ADGRV1: variants seen among roughly 807,000 people sequenced by gnomAD.
ADGRV1 encodes the protein adhesion G protein-coupled receptor V1, also known as G-protein coupled receptor 98.
ADGRV1 carries 359 observed loss-of-function variants against 596.2 expected under a neutral mutation model. The ratio of observed to expected loss-of-function variants is 0.60; its 90% CI spans 0.55 to 0.66. The LOEUF is 0.66. Among genes scored for constraint, ADGRV1 ranks in the 30% least tolerant of loss-of-function variants. The pLI, the probability that ADGRV1 is intolerant of heterozygous loss-of-function variation, is 0.00. For synonymous variants in ADGRV1, 2,681 were observed against 2,679.2 expected, an observed-to-expected ratio of 1.00 and a Z score of -0.02; for missense variants, 7,274 against 7,575.6, an observed-to-expected ratio of 0.96 and a Z score of 1.48.
Position 90,778,972 on chromosome 5 carries a change from A to C in ADGRV1, c.12957A>C (p.Ala4319=), listed in dbSNP as rs770063817. 9 of 1,613,416 alleles carry C rather than the reference A, an allele frequency of 5.6e-6. No homozygotes were observed. In the African/African-American group the frequency reaches 1.1e-4, roughly 19 times the overall value. The change falls in exon 64 of 90, where the codon GCA becomes GCC. Residue 4319 remains alanine, a synonymous_variant. Transcript: ENST00000405460. The stretch of plus-strand genomic sequence containing the variant: ...CAGGCTTGGATTTTGTTCCTGCAGC[A>C]GGGGAGCTCCTCTTTGAAGCAGGGG... ...AEAGLDFVPA[A]GELLFEAGEM... is the part of the protein sequence containing the mutation.
chr5:90,745,281 T>C lies in ADGRV1; in HGVS notation c.10769+16T>C, dbSNP rs774202272. ...TTATTCCTAGGTAGGTTCAACATTT[T>C]TTGCTAAGTATCTTTATGTTCACTG... On this transcript the variant is annotated intron_variant, in intron 51 of 89. Coordinates refer to ENST00000405460, the MANE Select transcript of ADGRV1 (RefSeq NM_032119.4). 6.7e-7 allele frequency: 1 copy of C among 1,495,734 alleles called. No individual in the cohort carries two copies. 92.7% of individuals were successfully genotyped at this position (1,495,734 alleles called of 1,614,324 possible).
intron 83 of ADGRV1, among the ~76,000 whole-genome samples, chr5:90,958,299 A>G (rs546648752): frequency 3.3e-4 from 48 of 143,844 alleles, no homozygotes; most frequent in African/African-American, 7.0e-4. Context: ...AAAAAAAAAA[A>G]AAAAGAAAAG....
chr5:90,890,956 A>G (rs1041071088), intron 83 of ADGRV1, among the ~76,000 whole-genome samples: 5 of 151,994 alleles, frequency 3.3e-5, no homozygotes, highest in African/African-American at 4.8e-5. Flanking sequence ...CAATTAATAT[A>G]CTTTGTACAA....
In ADGRV1 at chr5:90,675,366, G is replaced by T. The variant is rs774387438; in HGVS notation, c.5234G>T (p.Arg1745Leu). Residue 1745 changes from arginine to leucine, a missense_variant, in exon 24 of 90, where the codon CGT becomes CTT. Arg to Leu is a moderately radical substitution (Grantham distance 102). Around this residue, in one of 5 missense-constraint regions of ADGRV1, gnomAD observed 3,643 missense variants for 3,809.2 expected, o/e 0.96. Transcript: ENST00000405460. ...EDGEIRLLVIRAQGLLGRVTA... is the reference protein window; with the variant it reads ...EDGEIRLLVILAQGLLGRVTA... ...GGAGAAATCAGGTTATTGGTCATCCGTGCACAGGGACTTCTGGGAAGGGTG... is the reference window on the plus strand; with the variant it reads ...GGAGAAATCAGGTTATTGGTCATCCTTGCACAGGGACTTCTGGGAAGGGTG... The T allele has an allele frequency of 6.2e-7, 1 of 1,613,832 alleles. No homozygotes were observed. Among genetic ancestry groups the T allele is most frequent in the South Asian group, 1.1e-5 (1 of 91,050 alleles).
chr5:91,070,730 T>C (rs1259733996), intron 85 of ADGRV1, among the ~76,000 whole-genome samples: 2 of 152,162 alleles, frequency 1.3e-5, no homozygotes, highest in African/African-American at 4.8e-5. Context: ...AAATAAATAA[T>C]CTAAGTTTGC....
At chr5:91,114,987 C>A (rs191792088) in intron 87 of ADGRV1, among the ~76,000 whole-genome samples, 1 of 152,266 alleles carries the variant, frequency 6.6e-6, no homozygotes, top group African/African-American at 2.4e-5. Context: ...TTCTAGGCAT[C>A]TCACTGTAAA....
chr5:90,986,621 TTC>T (rs951472664), intron 85 of ADGRV1, among the ~76,000 whole-genome samples: 3 of 152,192 alleles, frequency 2.0e-5, no homozygotes, highest in Admixed American at 2.0e-4. Flanking sequence ...ATTTTTGTAA[TTC>T]TGTCTTTTTA....
At chr5:90,726,368 A>G (rs1751782580) in intron 48 of ADGRV1, among the ~76,000 whole-genome samples, 1 of 152,142 alleles carries the variant, frequency 6.6e-6, no homozygotes. Context: ...AGCTTCACCC[A>G]GCTTAAAAAG....
chr5:91,033,291 T>A (rs1392178338), intron 85 of ADGRV1, among the ~76,000 whole-genome samples: 2 of 152,202 alleles, frequency 1.3e-5, no homozygotes, highest in Admixed American at 6.5e-5. Flanking sequence ...TGGCTTATAA[T>A]TTTTTTATTA....
intron 1 of ADGRV1, among the ~76,000 whole-genome samples, chr5:90,560,317 C>T (rs1165954617): frequency 2.6e-5 from 4 of 152,270 alleles, no homozygotes; most frequent in African/African-American, 9.6e-5. Flanking sequence ...TGAATCCTAT[C>T]TCCATTTTCT....
intron 2 of ADGRV1, among the ~76,000 whole-genome samples, chr5:90,616,543 A>G (rs1763388332): frequency 6.6e-6 from 1 of 152,154 alleles, no homozygotes; most frequent in East Asian, 1.9e-4. Context: ...AGTTTTTGGC[A>G]GGCCACATAC....
intron 85 of ADGRV1, among the ~76,000 whole-genome samples, chr5:91,003,915 A>G (rs753728621): frequency 3.3e-5 from 5 of 152,194 alleles, no homozygotes; most frequent in African/African-American, 4.8e-5. Context: ...CAATGTAAGA[A>G]AAAGGGAAGC....
intron 87 of ADGRV1, among the ~76,000 whole-genome samples, chr5:91,114,602 A>G (rs894947239): frequency 3.9e-5 from 6 of 152,072 alleles, no homozygotes; most frequent in African/African-American, 1.4e-4. Flanking sequence ...TAACCAATCT[A>G]TTTATAGTTT....
intron 1 of ADGRV1, among the ~76,000 whole-genome samples, chr5:90,604,658 AT>A (rs200202435): frequency 3.3e-5 from 5 of 149,698 alleles, no homozygotes; most frequent in East Asian, 2.0e-4. Flanking sequence ...GTTGCTGTTG[AT>A]TTTTTTTTTA....
intron 85 of ADGRV1, among the ~76,000 whole-genome samples, chr5:90,998,777 T>G (rs1486683017): frequency 1.3e-5 from 2 of 152,162 alleles, no homozygotes; most frequent in Non-Finnish European, 2.9e-5. Flanking sequence ...TTCCCAACAT[T>G]CTTGCCAACT....
At chr5:90,624,130 C>T (rs1375620128) in intron 5 of ADGRV1, among the ~76,000 whole-genome samples, 2 of 152,128 alleles carry the variant, frequency 1.3e-5, no homozygotes, top group African/African-American at 4.8e-5. Flanking sequence ...TGGGTGTCCA[C>T]ATCATATGGT....
At chr5:90,652,232 T>A (rs1036497374) in intron 18 of ADGRV1, 114 bp from the exon 19 acceptor site, 18 of 646,548 alleles carry the variant, frequency 2.8e-5, no homozygotes, top group Non-Finnish European at 4.2e-5. Context: ...TAGAACCAGC[T>A]GGTTTGTTTC....
intron 77 of ADGRV1, among the ~76,000 whole-genome samples, chr5:90,839,734 C>T (rs1205057420): frequency 1.3e-5 from 2 of 152,180 alleles, no homozygotes; most frequent in Non-Finnish European, 2.9e-5. Flanking sequence ...ATATAAAATG[C>T]TACCCTTTCC....
intron 79 of ADGRV1, among the ~76,000 whole-genome samples, chr5:90,852,217 T>A (rs1416469474): frequency 1.3e-5 from 2 of 152,106 alleles, no homozygotes; most frequent in African/African-American, 4.8e-5. Flanking sequence ...CAGAGGAGAT[T>A]TTTTGTAGAG....
Sources: allele counts gnomAD v4.1 joint callset (sites outside exome capture counted in the v4.1 genomes callset), GRCh38; gene constraint gnomAD v4.1.1; regional missense constraint gnomAD v4.1.1; transcripts MANE v1.5; gene names NCBI Gene and HGNC (gene_info 2026-07-23, HGNC 2026-07-21).